Variants in KAZN observed in about 807,000 individuals in gnomAD.
KAZN encodes the protein kazrin.
KAZN carries 40 observed loss-of-function variants against 87.4 expected under a neutral mutation model. That is an observed-to-expected ratio of 0.46 (90% CI 0.36 to 0.60). The LOEUF is 0.60. Among genes scored for constraint, KAZN ranks in the 20% least tolerant of loss-of-function variants. KAZN has a pLI of 0.00. For missense variants in KAZN, 898 were observed against 1,073.9 expected (o/e 0.84, Z 2.29); for synonymous variants, 466 against 458.3 (o/e 1.02, Z -0.22).
At chr1:14,648,393 CAG>C (rs1182179355) in intron 1 of KAZN, among the ~76,000 whole-genome samples, 9 of 152,148 alleles carry the variant, frequency 5.9e-5, no homozygotes, top group Non-Finnish European at 4.4e-5. Flanking sequence ...CATTTGAAAA[CAG>C]AATGTTCAAT....
Position 15,030,197 on chromosome 1 carries a change from C to T in KAZN, c.419-4552C>T, listed in dbSNP as rs576491110. ...ATGGAAATTTCCCATTCATCAGCGA[C>T]AGCGGGGCCCCGGCTCTTCCTTAAG... On this transcript the variant is annotated intron_variant, in intron 2 of 14. Transcript: ENST00000376030. Among the ~76,000 whole-genome samples, 3 of 152,346 alleles carry T rather than the reference C, an allele frequency of 2.0e-5. No homozygotes were observed. In the East Asian group the frequency reaches 5.8e-4, roughly 29 times the overall value.
intron 1 of KAZN, chr1:14,692,750 T>A (rs1174663783): frequency 6.6e-6 from 1 of 152,220 alleles, no homozygotes; most frequent in Non-Finnish European, 1.5e-5. Context: ...CTGACCAACA[T>A]GGAGAAACCC....
At chr1:14,980,015 A>T (rs1360913763) in intron 2 of KAZN, among the ~76,000 whole-genome samples, 1 of 152,086 alleles carries the variant, frequency 6.6e-6, no homozygotes, top group Admixed American at 6.5e-5. Context: ...CAGCCTCCTG[A>T]GTAGCTAGGA....
At chr1:14,979,546 CTT>C (rs1450685637) in intron 2 of KAZN, among the ~76,000 whole-genome samples, 1 of 152,136 alleles carries the variant, frequency 6.6e-6, no homozygotes, top group African/African-American at 2.4e-5. Context: ...CGCACCTGGT[CTT>C]TTTCTGGAAT....
chr1:14,160,673 A>G (rs1260601579), intron 1 of KAZN, among the ~76,000 whole-genome samples: 1 of 152,128 alleles, frequency 6.6e-6, no homozygotes, highest in Non-Finnish European at 1.5e-5. Flanking sequence ...CTATTGCACC[A>G]TCTTGTTCTG....
intron 2 of KAZN, among the ~76,000 whole-genome samples, chr1:14,305,228 G>A (rs1027475519): frequency 2.0e-5 from 3 of 152,034 alleles, no homozygotes; most frequent in Non-Finnish European, 2.9e-5. Context: ...AACCCATGTC[G>A]AAAGCAGAAT....
intron 1 of KAZN, among the ~76,000 whole-genome samples, chr1:14,841,214 G>A (rs1326443598): frequency 2.0e-5 from 3 of 151,854 alleles, no homozygotes; most frequent in South Asian, 2.1e-4. Flanking sequence ...TCAGGAGATC[G>A]AGAACACGTT....
At chr1:14,416,974 ATATATGTG>A (rs1325790190) in intron 2 of KAZN, among the ~76,000 whole-genome samples, 3 of 140,108 alleles carry the variant, frequency 2.1e-5, no homozygotes, top group Non-Finnish European at 4.6e-5. Flanking sequence ...ATACATATGT[ATATATGTG>A]TATATATATG....
chr1:14,924,452 GGGCCCGCGC>G, intron 1 of KAZN: 1 of 989,222 alleles, frequency 1.0e-6, no homozygotes, highest in African/African-American at 1.8e-5. Context: ...GGCGGGGGCC[GGGCCCGCGC>G]GGCCCCCGGG....
intron 1 of KAZN, among the ~76,000 whole-genome samples, chr1:13,900,858 T>C (rs1426105249): frequency 6.6e-6 from 1 of 152,208 alleles, no homozygotes; most frequent in Non-Finnish European, 1.5e-5. Flanking sequence ...TTTTTCACAG[T>C]GCCTGACACA....
At chr1:14,893,774 A>T (rs995886055) in intron 1 of KAZN, among the ~76,000 whole-genome samples, 8 of 152,146 alleles carry the variant, frequency 5.3e-5, no homozygotes, top group Non-Finnish European at 1.2e-4. Context: ...AGGTACAAGG[A>T]TCATTTGAAA....
chr1:14,041,568 G>GC (rs1641839572), intron 1 of KAZN, among the ~76,000 whole-genome samples: 1 of 152,086 alleles, frequency 6.6e-6, no homozygotes, highest in African/African-American at 2.4e-5. Flanking sequence ...CTCTCCTGGA[G>GC]CCCTCCCTTA....
chr1:14,990,831 C>G (rs74809802), intron 2 of KAZN, among the ~76,000 whole-genome samples: 5 of 151,258 alleles, frequency 3.3e-5, no homozygotes, highest in African/African-American at 1.2e-4. Flanking sequence ...GGCAGGGTCA[C>G]TGCCAATGTG....
intron 1 of KAZN, among the ~76,000 whole-genome samples, chr1:14,731,249 G>T (rs909949425): frequency 6.6e-6 from 1 of 152,166 alleles, no homozygotes; most frequent in South Asian, 2.1e-4. Flanking sequence ...TAGCAATTAT[G>T]ACTAAAAGCC....
intron 1 of KAZN, among the ~76,000 whole-genome samples, chr1:14,124,803 C>T (rs117076431): frequency 1.3e-5 from 2 of 152,300 alleles, no homozygotes; most frequent in East Asian, 1.9e-4. Flanking sequence ...GCACAGAGCA[C>T]CTGCTCTGCT....
At chr1:14,519,851 G>C (rs1286197952) in intron 2 of KAZN, among the ~76,000 whole-genome samples, 1 of 152,032 alleles carries the variant, frequency 6.6e-6, no homozygotes, top group Non-Finnish European at 1.5e-5. Context: ...GAAGTGGATA[G>C]GCCTGGGTTG....
At chr1:14,242,146 A>T (rs1186544256) in intron 2 of KAZN, among the ~76,000 whole-genome samples, 3 of 152,248 alleles carry the variant, frequency 2.0e-5, no homozygotes, top group Admixed American at 1.3e-4. Context: ...AAGATATGTT[A>T]TACTGCTATA....
intron 10 of KAZN, 71 bp downstream of exon 10, chr1:15,095,004 G>A: frequency 9.5e-7 from 1 of 1,056,362 alleles, no homozygotes; most frequent in Non-Finnish European, 1.4e-6. Flanking sequence ...CACACAGGTG[G>A]GGTGAGCGGG....
intron 1 of KAZN, among the ~76,000 whole-genome samples, chr1:13,920,656 C>T (rs1189007408): frequency 6.6e-6 from 1 of 152,036 alleles, no homozygotes; most frequent in Non-Finnish European, 1.5e-5. Context: ...GGAGGGAGAG[C>T]TTATTGCAGG....
Sources: allele counts gnomAD v4.1 joint callset (sites outside exome capture counted in the v4.1 genomes callset), GRCh38; gene constraint gnomAD v4.1.1; transcripts MANE v1.5; gene names NCBI Gene and HGNC (gene_info 2026-07-23, HGNC 2026-07-21).